NELL1: variants seen among roughly 807,000 people sequenced by gnomAD.
The protein encoded by NELL1 is neural EGFL like 1.
In NELL1, 76 loss-of-function variants were observed where a neutral mutation model predicts 107.4. The observed-to-expected ratio is 0.71, with a 90% CI of 0.59 to 0.86. The LOEUF (loss-of-function observed/expected upper bound fraction) is 0.86, where lower values mean the gene tolerates loss of function less well. NELL1 is among the 40% of genes least tolerant of loss of function. The probability of loss-of-function intolerance (pLI) is 0.00; values close to 1 mark genes in which losing one functional copy is unlikely to be tolerated. For missense variants in NELL1, 1,024 were observed against 1,005.5 expected (o/e 1.02, Z -0.25); for synonymous variants, 353 against 341.2 (o/e 1.03, Z -0.38).
chr11:21,178,367 C>G (rs1039053015), intron 13 of NELL1, among the ~76,000 whole-genome samples: 2 of 151,760 alleles, frequency 1.3e-5, no homozygotes, highest in African/African-American at 4.9e-5. Flanking sequence ...CTTCCCTTCC[C>G]CAAAAAGTGC....
intron 7 of NELL1, among the ~76,000 whole-genome samples, chr11:20,925,450 T>C (rs1202861530): frequency 6.6e-6 from 1 of 150,812 alleles, no homozygotes; most frequent in East Asian, 1.9e-4. Context: ...TTTTTTTTTT[T>C]TTTTTTTGTA....
chr11:21,048,003 A>C (rs925526282), intron 12 of NELL1, among the ~76,000 whole-genome samples: 1 of 152,140 alleles, frequency 6.6e-6, no homozygotes, highest in Non-Finnish European at 1.5e-5. Context: ...CCTTATGCTG[A>C]TGGCAGTTCC....
chr11:21,138,142 TC>T lies in NELL1; in HGVS notation c.1426+24431del, dbSNP rs532059756. Among the ~76,000 whole-genome samples the T allele has an allele frequency of 3.7e-3, 568 of 152,274 alleles. 6 individuals carry two copies. The highest frequency in any genetic ancestry group is 0.013 in the African/African-American group (556 of 41,550). The stretch of plus-strand genomic sequence containing the variant: ...CTGCAAAATGGCATTTAATTCTTAT[TC>T]CCTCGGTGCTCTTGGGGAAATCTCA... On this transcript the variant is annotated intron_variant, in intron 13 of 19. Transcript: ENST00000357134.
At chr11:20,671,771 A>ATGGG (rs1349534092) in intron 1 of NELL1, among the ~76,000 whole-genome samples, 1 of 126,158 alleles carries the variant, frequency 7.9e-6, no homozygotes, top group South Asian at 3.0e-4. Flanking sequence ...TTACAGATTG[A>ATGGG]TGGGGGGGGT....
intron 15 of NELL1, among the ~76,000 whole-genome samples, chr11:21,509,749 A>G (rs1264441805): frequency 1.3e-5 from 2 of 151,812 alleles, no homozygotes; most frequent in African/African-American, 4.8e-5. Context: ...GTCTTTGATT[A>G]CTTAGTAATT....
intron 15 of NELL1, among the ~76,000 whole-genome samples, chr11:21,478,846 A>AAT (rs1854416606): frequency 1.3e-5 from 2 of 151,808 alleles, no homozygotes; most frequent in South Asian, 4.2e-4. Flanking sequence ...TATAAGAAAA[A>AAT]AAAAAACTGA....
chr11:21,165,505 A>T (rs190680123), intron 13 of NELL1, among the ~76,000 whole-genome samples: 31 of 152,230 alleles, frequency 2.0e-4, no homozygotes, highest in Admixed American at 2.0e-3. Flanking sequence ...CTCTGTTCTC[A>T]GTTTGGAGGT....
At position 20,707,024 on chromosome 11, in the gene NELL1, T is replaced by G. The variant is rs897836467; in HGVS notation, c.184+28964T>G. On this transcript the variant is annotated intron_variant, in intron 2 of 19. Coordinates refer to ENST00000357134, the MANE Select transcript of NELL1 (RefSeq NM_006157.5). ...ACACCAATCAGATGTAGACTTGGTC[T>G]TTTCACATAGTCCCATATTTCTTGG... Among the ~76,000 whole-genome samples the G allele has an allele frequency of 6.3e-4, 96 of 152,246 alleles. 3 individuals carry two copies. Among genetic ancestry groups the G allele is most frequent in the Non-Finnish European group, 1.5e-5 (1 of 68,044 alleles).
intron 2 of NELL1, among the ~76,000 whole-genome samples, chr11:20,767,291 G>A (rs895212277): frequency 2.0e-5 from 3 of 152,214 alleles, no homozygotes; most frequent in African/African-American, 7.2e-5. Flanking sequence ...GGGGAGCTGA[G>A]TGGGTTGCTG....
intron 15 of NELL1, among the ~76,000 whole-genome samples, chr11:21,472,389 A>T (rs912362062): frequency 6.6e-6 from 1 of 152,014 alleles, no homozygotes; most frequent in Admixed American, 6.6e-5. Flanking sequence ...GATTTGGAGC[A>T]CTACAACATT....
chr11:20,768,058 G>A (rs1179309087), intron 2 of NELL1, among the ~76,000 whole-genome samples: 1 of 152,144 alleles, frequency 6.6e-6, no homozygotes, highest in East Asian at 1.9e-4. Context: ...AAATGAAGGA[G>A]CCAGCCATGC....
chr11:20,942,879 C>A (rs1230401744), intron 10 of NELL1, among the ~76,000 whole-genome samples: 4 of 152,166 alleles, frequency 2.6e-5, no homozygotes, highest in Non-Finnish European at 4.4e-5. Flanking sequence ...GTGGGTGACT[C>A]TAGCAAGGGT....
chr11:21,020,990 G>A (rs1354774356), intron 12 of NELL1, among the ~76,000 whole-genome samples: 1 of 143,708 alleles, frequency 7.0e-6, no homozygotes, highest in Non-Finnish European at 1.5e-5. Flanking sequence ...GGGGCCAGCT[G>A]ATAGAGCAGA....
intron 15 of NELL1, among the ~76,000 whole-genome samples, chr11:21,396,219 T>C (rs1851977405): frequency 1.3e-5 from 2 of 151,568 alleles, no homozygotes; most frequent in Non-Finnish European, 3.0e-5. Context: ...ACTAATCTCG[T>C]AGGACAGGAG....
intron 17 of NELL1, among the ~76,000 whole-genome samples, chr11:21,563,964 G>T (rs1385634811): frequency 6.6e-6 from 1 of 151,860 alleles, no homozygotes; most frequent in East Asian, 1.9e-4. Context: ...AATATGAAGT[G>T]AATCATGAGC....
chr11:21,374,881 GTGTGTC>G lies in NELL1; in HGVS notation c.1645+3939_1645+3944del, dbSNP rs1414157327. 7.5e-3 allele frequency among the ~76,000 whole-genome samples: 673 copies of G among 90,242 alleles called. 3 individuals carry two copies. The highest frequency in any genetic ancestry group is 0.032 in the South Asian group (66 of 2,048). The allele number at this position is 90,242 out of a possible 152,430, so 59.2% of individuals were successfully genotyped here. ...TACCAGGCTGTGTGGAACTGACTGT[GTGTGTC>G]TGTGTGTGTGTGTGTGTGTGTGTGT... On this transcript the variant is annotated intron_variant, in intron 15 of 19. Transcript: ENST00000357134.
At chr11:21,263,032 T>A (rs1284631128) in intron 14 of NELL1, among the ~76,000 whole-genome samples, 5 of 151,958 alleles carry the variant, frequency 3.3e-5, no homozygotes, top group African/African-American at 1.2e-4. Flanking sequence ...TCCTCTTTTA[T>A]GTTTCAAGAC....
At chr11:20,727,036 G>A (rs1228697418) in intron 2 of NELL1, among the ~76,000 whole-genome samples, 2 of 152,146 alleles carry the variant, frequency 1.3e-5, no homozygotes, top group African/African-American at 4.8e-5. Context: ...TTGCTATTGT[G>A]AATAGTGCCG....
intron 14 of NELL1, among the ~76,000 whole-genome samples, chr11:21,317,162 C>T (rs1004254255): frequency 6.6e-6 from 1 of 151,982 alleles, no homozygotes. Flanking sequence ...AATTTATGCT[C>T]TTAGCCACTA....
Sources: allele counts gnomAD v4.1 joint callset (sites outside exome capture counted in the v4.1 genomes callset), GRCh38; gene constraint gnomAD v4.1.1; transcripts MANE v1.5; gene names NCBI Gene and HGNC (gene_info 2026-07-23, HGNC 2026-07-21).